Variants in SYCN observed in about 807,000 individuals in gnomAD.
The protein encoded by SYCN is syncollin, also known as insulin synthesis associated 1.
Under a neutral mutation model 12.6 loss-of-function variants are expected in SYCN, and 16 were observed. The ratio of observed to expected loss-of-function variants is 1.27; its 90% CI spans 0.86 to 1.92. The LOEUF is 1.92. Ranked by LOEUF, SYCN falls within the 30% of genes most tolerant of loss-of-function variation. The pLI is 0.00. For missense variants in SYCN, 226 were observed against 181.8 expected, an observed-to-expected ratio of 1.24 and a Z score of -1.40; for synonymous variants, 97 against 88.4, an observed-to-expected ratio of 1.10 and a Z score of -0.55.
At position 39,203,957 on chromosome 19, in the gene SYCN, T is replaced by G. The variant is rs1413837066; in HGVS notation, c.298A>C (p.Thr100Pro). Residue 100 changes from threonine to proline, a missense_variant, in exon 1 of 2, where the codon ACG becomes CCG. Thr to Pro is a conservative substitution (Grantham distance 38). Transcript: ENST00000318438. ...TAGGTGCCGGCAGAGAACTTGTGCG[T>G]CTTGCCCGCCTTGCCTTGCCGGGAC... ...VWSRQGKAGK[T>P]HKFSAGTYPR... is the part of the protein sequence containing the mutation. 3 of 1,609,360 alleles carry G rather than the reference T, an allele frequency of 1.9e-6. No homozygotes were observed. The highest frequency in any genetic ancestry group is 2.5e-6 in the Non-Finnish European group (3 of 1,178,148).
Position 39,202,911 on chromosome 19 carries a change from G to T in SYCN, c.*76C>A. On this transcript the variant is annotated 3_prime_UTR_variant, in exon 2 of 2. Transcript: ENST00000318438. ...TCCTCCTCCTGGGTCTTGGGGCCCC[G>T]GAGCAGAGCCCAGGGATGGGCTGAG... 6.5e-7 allele frequency: 1 copy of T among 1,541,750 alleles called. No homozygotes were observed. Among genetic ancestry groups the T allele is most frequent in the Non-Finnish European group, 8.8e-7 (1 of 1,142,224 alleles).
intron 1 of SYCN, among the ~76,000 whole-genome samples, chr19:39,203,297 T>C (rs1337308356): frequency 6.6e-6 from 1 of 151,886 alleles, no homozygotes; most frequent in African/African-American, 2.4e-5. Flanking sequence ...GGACTGATTT[T>C]AGGGCTGAGG....
Position 39,204,255 on chromosome 19 carries a change from G to A in SYCN, c.-1C>T. On this transcript the variant is annotated 5_prime_UTR_variant, in exon 1 of 2. Coordinates refer to ENST00000318438, the MANE Select transcript of SYCN (RefSeq NM_001080468.4). ...GCAGCAGCGGGCGCAGCGGGGACATGGTGGCAGTGCCCTGCCGCAGCCCCG... is the reference window on the plus strand; with the variant it reads ...GCAGCAGCGGGCGCAGCGGGGACATAGTGGCAGTGCCCTGCCGCAGCCCCG... 1 of 1,546,978 alleles carries A rather than the reference G, an allele frequency of 6.5e-7. No homozygotes were observed.
At position 39,202,844 on chromosome 19, in the gene SYCN, A is replaced by G; in HGVS notation, c.*143T>C. 1.2e-6 allele frequency: 1 copy of G among 803,688 alleles called. No individual in the cohort carries two copies. Among genetic ancestry groups the G allele is most frequent in the Non-Finnish European group, 2.0e-6 (1 of 497,630 alleles). The allele number at this position is 803,688 out of a possible 1,614,324, so 49.8% of individuals were successfully genotyped here. On this transcript the variant is annotated 3_prime_UTR_variant, in exon 2 of 2. Coordinates refer to ENST00000318438, the MANE Select transcript of SYCN (RefSeq NM_001080468.4). Reference sequence around the variant, plus strand: ...ATGACAGACGGGGACAACTGCACAAAGGCTGTATTGCAGGGGAGGTGGGAG... The same window carrying G: ...ATGACAGACGGGGACAACTGCACAAGGGCTGTATTGCAGGGGAGGTGGGAG...
intron 1 of SYCN, 66 bp downstream of exon 1, chr19:39,203,794 G>T (rs1255634616): frequency 2.0e-6 from 3 of 1,504,134 alleles, no homozygotes; most frequent in Non-Finnish European, 2.7e-6. Context: ...GGTGGTGGGT[G>T]TGGGGGCTTA....
chr19:39,204,200 C>T lies in SYCN; in HGVS notation c.55G>A (p.Ala19Thr), dbSNP rs1278685477. ...LALALASVPC[A>T]QGACPASADL... ...GCGGAGGCGGGGCAGGCGCCCTGGG[C>T]GCAAGGCACGGAGGCAAGGGCCAGG... is the stretch of plus-strand genomic sequence containing the variant. The change falls in exon 1 of 2, where the codon GCC becomes ACC. Residue 19 changes from alanine to threonine, a missense_variant. Ala to Thr is a moderately conservative substitution (Grantham distance 58). Coordinates refer to ENST00000318438, the MANE Select transcript of SYCN (RefSeq NM_001080468.4). 6.2e-7 allele frequency: 1 copy of T among 1,608,732 alleles called. No homozygotes were observed. The highest frequency in any genetic ancestry group is 8.5e-7 in the Non-Finnish European group (1 of 1,178,896).
chr19:39,203,915 A>T lies in SYCN; in HGVS notation c.340T>A (p.Tyr114Asn). The change falls in exon 1 of 2, where the codon TAC becomes AAC. Residue 114 changes from tyrosine (Y) to asparagine (N), a missense_variant. Tyr to Asn is a moderately radical substitution (Grantham distance 143). Transcript: ENST00000318438. ...SAGTYPRLEE[Y>N]RRGILGDWSN... is the part of the protein sequence containing the mutation. The stretch of plus-strand genomic sequence containing the variant: ...CAGTCTCCTAAGATGCCCCGGCGGT[A>T]CTCCTCCAGGCGCGGGTAGGTGCCG... 1.9e-6 allele frequency: 3 copies of T among 1,611,754 alleles called. No homozygotes were observed. Among genetic ancestry groups the T allele is most frequent in the Non-Finnish European group, 2.5e-6 (3 of 1,179,022 alleles).
chr19:39,203,908 C>G lies in SYCN; in HGVS notation c.347G>C (p.Arg116Pro). The G allele has an allele frequency of 6.2e-7, 1 of 1,611,564 alleles. No homozygotes were observed. ...GTTGGACCAGTCTCCTAAGATGCCCCGGCGGTACTCCTCCAGGCGCGGGTA... is the reference window on the plus strand; with the variant it reads ...GTTGGACCAGTCTCCTAAGATGCCCGGGCGGTACTCCTCCAGGCGCGGGTA... ...GTYPRLEEYR[R>P]GILGDWSNAI... Residue 116 changes from arginine (R) to proline (P), a missense_variant, in exon 1 of 2, where the codon CGG becomes CCG. Arg to Pro is a moderately radical substitution (Grantham distance 103, BLOSUM62 -2). Coordinates refer to ENST00000318438, the MANE Select transcript of SYCN (RefSeq NM_001080468.4).
In SYCN at chr19:39,204,093, C is replaced by T. The variant is rs377695925; in HGVS notation, c.162G>A (p.Gly54=). Residue 54 remains glycine (G), a synonymous_variant, in exon 1 of 2, where the codon GGG becomes GGA. Coordinates refer to ENST00000318438, the MANE Select transcript of SYCN (RefSeq NM_001080468.4). ...CCGACTCCAGCGACAGCTCGGCGCC[C>T]CCGCAGCAGTTCTCATAGTAGGGGT... ...KSDPYYENCC[G]GAELSLESGA... 6 of 1,612,900 alleles carry T rather than the reference C, an allele frequency of 3.7e-6. No individual in the cohort carries two copies. The East Asian group carries it at 6.7e-5, about 18-fold the overall frequency.
Position 39,202,883 on chromosome 19 carries a change from C to A in SYCN, c.*104G>T. 7.7e-7 allele frequency: 1 copy of A among 1,295,830 alleles called. No homozygotes were observed. The highest frequency in any genetic ancestry group is 1.1e-6 in the Non-Finnish European group (1 of 928,950). 80.3% of individuals were successfully genotyped at this position (1,295,830 alleles called of 1,614,324 possible). ...GGGAGGTGGGAGGGGGCAGGCAGAA[C>A]GCTCCTCCTCCTGGGTCTTGGGGCC... On this transcript the variant is annotated 3_prime_UTR_variant, in exon 2 of 2. Coordinates refer to ENST00000318438, the MANE Select transcript of SYCN (RefSeq NM_001080468.4).
rs1568543764 is a variant in SYCN at position 39,204,043 on chromosome 19, G to C, written c.212C>G (p.Ser71Cys). 1.9e-6 allele frequency: 3 copies of C among 1,612,740 alleles called. No individual in the cohort carries two copies. The highest frequency in any genetic ancestry group is 2.5e-6 in the Non-Finnish European group (3 of 1,179,422). The change falls in exon 1 of 2, where the codon TCC (serine) becomes TGC (cysteine). Residue 71 changes from serine (S) to cysteine (C), a missense_variant. Physicochemically the swap from Ser to Cys is moderately radical, Grantham distance 112. Coordinates refer to ENST00000318438, the MANE Select transcript of SYCN (RefSeq NM_001080468.4). Reference protein sequence around the residue: ...ESGADLPYLPSNWANTASSLV... With the variant: ...ESGADLPYLPCNWANTASSLV... ...TGAGGAGGCGGTGTTGGCCCAGTTG[G>C]AGGGCAGGTAGGGCAGGTCTGCGCC...
chr19:39,204,094 C>T lies in SYCN; in HGVS notation c.161G>A (p.Gly54Glu). 1 of 1,613,064 alleles carries T rather than the reference C, an allele frequency of 6.2e-7. No homozygotes were observed. Among genetic ancestry groups the T allele is most frequent in the South Asian group, 1.1e-5 (1 of 91,058 alleles). ...KSDPYYENCC[G>E]GAELSLESGA... ...CGACTCCAGCGACAGCTCGGCGCCC[C>T]CGCAGCAGTTCTCATAGTAGGGGTC... The change falls in exon 1 of 2, where the codon GGG (glycine) becomes GAG (glutamate). Residue 54 changes from glycine (G) to glutamate (E), a missense_variant. Coordinates refer to ENST00000318438, the MANE Select transcript of SYCN (RefSeq NM_001080468.4).
rs780655652 is a variant in SYCN at position 39,203,907 on chromosome 19, C to T, written c.348G>A (p.Arg116=). 3.1e-6 allele frequency: 5 copies of T among 1,611,630 alleles called. No homozygotes were observed. The highest frequency in any genetic ancestry group is 4.2e-6 in the Non-Finnish European group (5 of 1,178,902). ...CGTTGGACCAGTCTCCTAAGATGCC[C>T]CGGCGGTACTCCTCCAGGCGCGGGT... is the stretch of plus-strand genomic sequence containing the variant. ...GTYPRLEEYR[R]GILGDWSNAI... The change falls in exon 1 of 2, where the codon CGG becomes CGA. Residue 116 remains arginine, a synonymous_variant. Transcript: ENST00000318438.
Position 39,203,895 on chromosome 19 carries a change from T to C in SYCN, c.360A>G (p.Gly120=). 6.2e-7 allele frequency: 1 copy of C among 1,610,834 alleles called. No homozygotes were observed. Among genetic ancestry groups the C allele is most frequent in the Non-Finnish European group, 8.5e-7 (1 of 1,178,412 alleles). The change falls in exon 1 of 2, where the codon GGA becomes GGG. Residue 120 remains glycine, a synonymous_variant. Coordinates refer to ENST00000318438, the MANE Select transcript of SYCN (RefSeq NM_001080468.4). ...RLEEYRRGIL[G]DWSNAISALY... is the part of the protein sequence containing the mutation. ...GCGCGGAGATAGCGTTGGACCAGTC[T>C]CCTAAGATGCCCCGGCGGTACTCCT...
intron 1 of SYCN, among the ~76,000 whole-genome samples, 164 bp downstream of exon 1, chr19:39,203,696 A>G (rs751344948): frequency 6.6e-5 from 10 of 151,262 alleles, no homozygotes; most frequent in Non-Finnish European, 1.2e-4. Context: ...GGACTCTGAG[A>G]TGGGGGCCTC....
chr19:39,203,805 T>C lies in SYCN; in HGVS notation c.395+55A>G. 1.0e-5 allele frequency: 16 copies of C among 1,524,392 alleles called. No individual in the cohort carries two copies. The South Asian group carries it at 2.1e-4, about 20-fold the overall frequency. 94.4% of individuals were successfully genotyped at this position (1,524,392 alleles called of 1,614,324 possible). A position where few individuals can be genotyped will look rare whatever the true frequency, so the allele number is the denominator to read the frequency against. ...CTTGGGTGGTGGGTGTGGGGGCTTA[T>C]GCGGAGCTGGGGCCTGGGCCTGGGG... On this transcript the variant is annotated intron_variant, in intron 1 of 1. Coordinates refer to ENST00000318438, the MANE Select transcript of SYCN (RefSeq NM_001080468.4).
intron 1 of SYCN, 106 bp downstream of exon 1, chr19:39,203,754 C>A: frequency 7.5e-7 from 1 of 1,341,730 alleles, no homozygotes; most frequent in Non-Finnish European, 1.0e-6. Context: ...CAGTCGGGAG[C>A]TCAGGGGTGT....
At position 39,203,734 on chromosome 19, in the gene SYCN, C is replaced by T. The variant is rs944887772; in HGVS notation, c.395+126G>A. ...GGACTGGTTCTAGGGAGGCCTGGTG[C>T]TCCCTGTTACAGTCGGGAGCTCAGG... On this transcript the variant is annotated intron_variant, in intron 1 of 1. Transcript: ENST00000318438. 8.5e-6 allele frequency: 10 copies of T among 1,171,330 alleles called. No homozygotes were observed. The African/African-American group carries it at 1.2e-4, about 15-fold the overall frequency. 72.6% of individuals were successfully genotyped at this position (1,171,330 alleles called of 1,614,324 possible). A position where few individuals can be genotyped will look rare whatever the true frequency, so the allele number is the denominator to read the frequency against.
Position 39,204,151 on chromosome 19 carries a change from GTCCC to G in SYCN, c.100_103del (p.Gly34ArgfsTer85). The G allele has an allele frequency of 1.9e-6, 3 of 1,612,660 alleles. No homozygotes were observed. Among genetic ancestry groups the G allele is most frequent in the Non-Finnish European group, 2.5e-6 (3 of 1,179,690 alleles). ...GTCATAGAGCTTGGCGCAAGTGCGC[GTCCC>G]GTCCGAGTGCTTGAGGTCGGCGGAG... is the stretch of plus-strand genomic sequence containing the variant. On this transcript the variant is annotated frameshift_variant, in exon 1 of 2. Transcript: ENST00000318438. LOFTEE classifies it high-confidence loss of function.
Sources: allele counts gnomAD v4.1 joint callset (sites outside exome capture counted in the v4.1 genomes callset), GRCh38; gene constraint gnomAD v4.1.1; transcripts MANE v1.5; gene names NCBI Gene and HGNC (gene_info 2026-07-23, HGNC 2026-07-21).